The following SLC38A11 variants were observed in gnomAD, a reference collection of about 807,000 sequenced individuals.
SLC38A11 encodes solute carrier family 38 member 11.
SLC38A11 carries 51 observed loss-of-function variants against 49.4 expected under a neutral mutation model. The ratio of observed to expected loss-of-function variants is 1.03; its 90% CI spans 0.83 to 1.30. SLC38A11 has a LOEUF of 1.30. Ranked by LOEUF, SLC38A11 falls within the 50% of genes most tolerant of loss-of-function variation. The pLI is 0.00. For missense variants in SLC38A11, 574 were observed against 556.2 expected (o/e 1.03, Z -0.32); for synonymous variants, 203 against 192.9 (o/e 1.05, Z -0.43).
At chr2:164,954,906 A>G (rs995760438) in intron 1 of SLC38A11, among the ~76,000 whole-genome samples, 161 bp from the exon 2 acceptor site, 2 of 152,368 alleles carry the variant, frequency 1.3e-5, no homozygotes, top group East Asian at 1.9e-4. Flanking sequence ...AAGAATAACA[A>G]TAACAGCTAG....
At chr2:164,917,403 C>T (rs920468017) in intron 7 of SLC38A11, among the ~76,000 whole-genome samples, 1 of 152,100 alleles carries the variant, frequency 6.6e-6, no homozygotes, top group Non-Finnish European at 1.5e-5. Flanking sequence ...CACAAAGAAA[C>T]TTCACAGAAA....
chr2:164,907,107 TC>T (rs1393167452), intron 11 of SLC38A11, among the ~76,000 whole-genome samples: 35 of 152,200 alleles, frequency 2.3e-4, no homozygotes, highest in Middle Eastern at 3.4e-3. Context: ...CAACTTCCAT[TC>T]CTGTCTTAGC....
At position 164,937,396 on chromosome 2, in the gene SLC38A11, T is replaced by C; in HGVS notation, c.571A>G (p.Ile191Val). The C allele has an allele frequency of 6.2e-7, 1 of 1,611,908 alleles. No homozygotes were observed. The highest frequency in any genetic ancestry group is 1.1e-5 in the South Asian group (1 of 91,028). The change falls in exon 7 of 12, where the codon ATT becomes GTT. Residue 191 changes from isoleucine (I) to valine (V), a missense_variant. By Grantham distance (29) the Ile-to-Val change is conservative. Transcript: ENST00000685975. ...GCCCTTGCCATTACAATTCCAAGAA[T>C]CAGAGTTGTTAAACCTGTAGAGATG... Reference protein sequence around the residue: ...SLISTGLTTLILGIVMARAIS... With the variant: ...SLISTGLTTLVLGIVMARAIS...
chr2:164,911,052 T>C (rs1246571297), intron 10 of SLC38A11, among the ~76,000 whole-genome samples: 1 of 151,934 alleles, frequency 6.6e-6, no homozygotes, highest in Non-Finnish European at 1.5e-5. Context: ...TTATGTTATG[T>C]ATAGTTGTAA....
chr2:164,910,286 T>C lies in SLC38A11; in HGVS notation c.963+1350A>G, dbSNP rs189257632. ...ACAGAAGTTGTGCAGGTGAAGTGAC[T>C]CAGATCGTCTGCAGGCAGGCAGTTT... On this transcript the variant is annotated intron_variant, in intron 10 of 11. Transcript: ENST00000685975. 2.6e-5 allele frequency among the ~76,000 whole-genome samples: 4 copies of C among 152,212 alleles called. No individual in the cohort carries two copies. The South Asian group carries it at 8.3e-4, about 32-fold the overall frequency.
In SLC38A11 at chr2:164,897,851, C is replaced by T. The variant is rs1684406735; in HGVS notation, c.*586G>A. On this transcript the variant is annotated 3_prime_UTR_variant, in exon 12 of 12. Coordinates refer to ENST00000685975, the MANE Select transcript of SLC38A11 (RefSeq NM_001351537.2). ...ATTTTGATTCTTTACACACCTTGCT[C>T]CTCACAGCCAGTCTATGATTCAGGA... is the stretch of plus-strand genomic sequence containing the variant. The T allele has an allele frequency of 6.6e-6, 1 of 152,254 alleles. No individual in the cohort carries two copies. The highest frequency in any genetic ancestry group is 2.4e-5 in the African/African-American group (1 of 41,402). The allele number at this position is 152,254 out of a possible 1,614,324, so 9.4% of individuals were successfully genotyped here. A position where few individuals can be genotyped will look rare whatever the true frequency, so the allele number is the denominator to read the frequency against.
Position 164,944,613 on chromosome 2 carries a change from AT to A in SLC38A11, c.385del (p.Ile129Ter). ...PFIAMISYNI[I>X]AGDTLSKVFQ... ...AACTTTGCTCAAAGTATCTCCAGCT[AT>A]TATATTGTAACTTATCATTGCTAAA... is the stretch of plus-strand genomic sequence containing the variant. On this transcript the variant is annotated frameshift_variant, in exon 5 of 12. Coordinates refer to ENST00000685975, the MANE Select transcript of SLC38A11 (RefSeq NM_001351537.2). LOFTEE classifies it high-confidence loss of function. 3.0e-6 allele frequency: 4 copies of A among 1,332,694 alleles called. No individual in the cohort carries two copies. Among genetic ancestry groups the A allele is most frequent in the South Asian group, 2.3e-5 (1 of 43,650 alleles). 82.6% of individuals were successfully genotyped at this position (1,332,694 alleles called of 1,614,324 possible).
At chr2:164,902,959 A>G (rs10192920) in intron 11 of SLC38A11, among the ~76,000 whole-genome samples, 10,247 of 152,252 alleles carry the variant, frequency 0.067, 940 homozygotes, top group African/African-American at 0.21. Flanking sequence ...ATACAAATTA[A>G]TATCTACAAA....
intron 3 of SLC38A11, 119 bp from the exon 4 acceptor site, chr2:164,945,846 CA>C (rs1191382310): frequency 1.9e-6 from 2 of 1,057,100 alleles, no homozygotes; most frequent in Non-Finnish European, 2.8e-6. Context: ...TTTAATGCTG[CA>C]GTATTAGCAG....
chr2:164,931,248 A>G (rs1390361019), intron 7 of SLC38A11, among the ~76,000 whole-genome samples: 1 of 150,952 alleles, frequency 6.6e-6, no homozygotes, highest in East Asian at 1.9e-4. Context: ...CCACAAAAAA[A>G]AAAAAAAAAA....
At chr2:164,916,333 A>G (rs911677985) in intron 7 of SLC38A11, among the ~76,000 whole-genome samples, 1 of 152,110 alleles carries the variant, frequency 6.6e-6, no homozygotes, top group Admixed American at 6.6e-5. Flanking sequence ...AAAATTAACA[A>G]TGCCCAGTTA....
At chr2:164,945,827 A>G in intron 3 of SLC38A11, 100 bp from the exon 4 acceptor site, 2 of 1,364,234 alleles carry the variant, frequency 1.5e-6, no homozygotes, top group Non-Finnish European at 2.0e-6. Flanking sequence ...ATTTTAAAGA[A>G]GCATTTAATT....
chr2:164,934,640 A>G (rs2105492152), intron 7 of SLC38A11, among the ~76,000 whole-genome samples: 1 of 152,318 alleles, frequency 6.6e-6, no homozygotes, highest in East Asian at 1.9e-4. Context: ...TTCCCCCTCA[A>G]TATTGCCTCA....
chr2:164,938,465 C>G (rs1460279582), intron 6 of SLC38A11, among the ~76,000 whole-genome samples: 2 of 152,144 alleles, frequency 1.3e-5, no homozygotes, highest in African/African-American at 4.8e-5. Flanking sequence ...ATGTTAATAG[C>G]CTTCCTTTTA....
At position 164,894,604 on chromosome 2, in the gene SLC38A11, G is replaced by A. The variant is rs1015339089; in HGVS notation, c.*3833C>T. 1.3e-4 allele frequency among the ~76,000 whole-genome samples: 20 copies of A among 152,076 alleles called. No homozygotes were observed. Among genetic ancestry groups the A allele is most frequent in the African/African-American group, 4.1e-4 (17 of 41,412 alleles). Reference sequence around the variant, plus strand: ...TCACAATGGCAGCCATGAAACTCAGGTAACCTTCCCTGAGTGCTGGCAGGC... The same window carrying A: ...TCACAATGGCAGCCATGAAACTCAGATAACCTTCCCTGAGTGCTGGCAGGC... On this transcript the variant is annotated 3_prime_UTR_variant, in exon 12 of 12. Transcript: ENST00000685975.
rs76560330 is a variant in SLC38A11, at chr2:164,896,968, G to T, written c.*1469C>A. Reference sequence around the variant, plus strand: ...TTAACTCTGCTTGTGATAGTTTCTCGTTATTTGGCAACAATTAATATAGTG... The same window carrying T: ...TTAACTCTGCTTGTGATAGTTTCTCTTTATTTGGCAACAATTAATATAGTG... On this transcript the variant is annotated 3_prime_UTR_variant, in exon 12 of 12. Transcript: ENST00000685975. 6.6e-6 allele frequency: 1 copy of T among 151,780 alleles called. No homozygotes were observed. Among genetic ancestry groups the T allele is most frequent in the African/African-American group, 2.4e-5 (1 of 41,328 alleles). The allele number at this position is 151,780 out of a possible 1,614,324, so 9.4% of individuals were successfully genotyped here.
chr2:164,930,719 A>C (rs536773413), intron 7 of SLC38A11, among the ~76,000 whole-genome samples: 1 of 152,300 alleles, frequency 6.6e-6, no homozygotes, highest in South Asian at 2.1e-4. Context: ...TTCACGTTAA[A>C]AACTCTGAAT....
At position 164,955,324 on chromosome 2, in the gene SLC38A11, A is replaced by G; in HGVS notation, c.-77T>C. The G allele has an allele frequency of 2.9e-6, 4 of 1,368,110 alleles. No homozygotes were observed. The highest frequency in any genetic ancestry group is 2.0e-5 in the Admixed American group (1 of 50,624). 84.7% of individuals were successfully genotyped at this position (1,368,110 alleles called of 1,614,324 possible). ...TCGCACCCGGCCAGCCTCCTCCGCC[A>G]CCTCGCACACAGCCGAGGTCCGCGT... On this transcript the variant is annotated 5_prime_UTR_variant, in exon 1 of 12. Transcript: ENST00000685975.
rs375844159 is a variant in SLC38A11, at chr2:164,926,780, G to A, written c.617+10570C>T. On this transcript the variant is annotated intron_variant, in intron 7 of 11. Coordinates refer to ENST00000685975, the MANE Select transcript of SLC38A11 (RefSeq NM_001351537.2). ...TCGCAAGGACAGAAAATCAAACACC[G>A]CATGTTCTCACTCATAGGTGGGAAT... Among the ~76,000 whole-genome samples, 14 of 148,918 alleles carry A rather than the reference G, an allele frequency of 9.4e-5. No homozygotes were observed. In the East Asian group the frequency reaches 1.8e-3, roughly 19 times the overall value.
Sources: gnomAD v4.1 joint callset for allele counts (sites outside exome capture counted in the v4.1 genomes callset) on GRCh38, gnomAD v4.1.1 for gene constraint, MANE v1.5 for transcripts, NCBI Gene and HGNC (gene_info 2026-07-23, HGNC 2026-07-21) for gene names.